The following C10orf90 variants were observed in gnomAD, a reference collection of about 807,000 sequenced individuals.
C10orf90 encodes chromosome 10 open reading frame 90.
A neutral mutation model predicts 62.5 loss-of-function variants in C10orf90; 56 were observed. The observed-to-expected ratio is 0.90, with a 90% confidence interval of 0.72 to 1.12. The LOEUF (loss-of-function observed/expected upper bound fraction) is 1.12, where lower values mean the gene tolerates loss of function less well. C10orf90 is among the 50% of genes most tolerant of loss of function. The pLI, the probability that C10orf90 is intolerant of heterozygous loss-of-function variation, is 0.00. For missense variants in C10orf90, 970 were observed against 880.4 expected, an observed-to-expected ratio of 1.10 and a Z score of -1.29; for synonymous variants, 386 against 340.4, an observed-to-expected ratio of 1.13 and a Z score of -1.47.
intron 2 of C10orf90, among the ~76,000 whole-genome samples, chr10:126,578,805 T>C (rs1286220014): frequency 2.6e-5 from 4 of 152,158 alleles, no homozygotes; most frequent in Non-Finnish European, 5.9e-5. Flanking sequence ...ACAAATATAA[T>C]GTTGTGTGAA....
chr10:126,631,917 G>A (rs187648016), intron 2 of C10orf90, among the ~76,000 whole-genome samples: 8 of 152,140 alleles, frequency 5.3e-5, no homozygotes, highest in East Asian at 3.9e-4. Context: ...TGGGGCAGGC[G>A]TCAGACACTG....
intron 2 of C10orf90, among the ~76,000 whole-genome samples, chr10:126,559,170 T>C (rs1179876024): frequency 6.6e-6 from 1 of 152,246 alleles, no homozygotes; most frequent in African/African-American, 2.4e-5. Flanking sequence ...CATAGGCCAA[T>C]GCCTATGCCC....
At chr10:126,558,143 C>T (rs889082617) in intron 2 of C10orf90, among the ~76,000 whole-genome samples, 11 of 152,136 alleles carry the variant, frequency 7.2e-5, no homozygotes, top group African/African-American at 2.7e-4. Context: ...AGTCCAAGTT[C>T]ACCTTCATTC....
intron 4 of C10orf90, among the ~76,000 whole-genome samples, chr10:126,475,254 C>A (rs987160670): frequency 3.9e-5 from 6 of 152,204 alleles, no homozygotes; most frequent in Non-Finnish European, 8.8e-5. Context: ...AACTTGCAGG[C>A]AGTCTAGGGA....
Position 126,464,121 on chromosome 10 carries a change from A to C in C10orf90, c.1825+575T>G, listed in dbSNP as rs540740729. ...TGTGTTCTTGTGTCCTTTCTATAAC[A>C]TTCTTTGTTGCACCATTTAGTAGTG... is the stretch of plus-strand genomic sequence containing the variant. On this transcript the variant is annotated intron_variant, in intron 5 of 9. Transcript: ENST00000488181. Among the ~76,000 whole-genome samples the C allele has an allele frequency of 7.2e-5, 11 of 152,226 alleles. No individual in the cohort carries two copies. The South Asian group carries it at 1.2e-3, about 17-fold the overall frequency.
intron 2 of C10orf90, among the ~76,000 whole-genome samples, chr10:126,606,359 T>C (rs1270010338): frequency 1.3e-5 from 2 of 152,162 alleles, no homozygotes; most frequent in African/African-American, 4.8e-5. Flanking sequence ...CCTGACACCA[T>C]CGGCTGTTGG....
chr10:126,645,267 A>G (rs1023362637), intron 2 of C10orf90, among the ~76,000 whole-genome samples: 3 of 151,572 alleles, frequency 2.0e-5, no homozygotes, highest in Non-Finnish European at 4.4e-5. Flanking sequence ...ATAAAAAAAA[A>G]AAAAAAAAAA....
chr10:126,666,231 G>A (rs907084507), intron 1 of C10orf90, among the ~76,000 whole-genome samples: 1 of 152,086 alleles, frequency 6.6e-6, no homozygotes, highest in African/African-American at 2.4e-5. Context: ...TTTCCCCAAG[G>A]TTGTCACAAC....
At chr10:126,512,288 A>AGTGTGT (rs377341185) in intron 3 of C10orf90, among the ~76,000 whole-genome samples, 8,373 of 144,802 alleles carry the variant, frequency 0.058, 824 homozygotes, top group African/African-American at 0.2. Flanking sequence ...GAGAGACAGA[A>AGTGTGT]GTGTGTGTGT....
chr10:126,629,809 G>A (rs374410197), intron 2 of C10orf90, among the ~76,000 whole-genome samples: 96 of 152,272 alleles, frequency 6.3e-4, no homozygotes, highest in Middle Eastern at 3.4e-3. Flanking sequence ...CCATGAGCCC[G>A]GCAAAGCACT....
At chr10:126,546,942 C>T (rs1015295004) in intron 2 of C10orf90, among the ~76,000 whole-genome samples, 2 of 152,206 alleles carry the variant, frequency 1.3e-5, no homozygotes, top group East Asian at 1.9e-4. Flanking sequence ...TTGCCCAACA[C>T]GGCAAAACCC....
chr10:126,476,469 C>T (rs1208000627), intron 4 of C10orf90, among the ~76,000 whole-genome samples: 1 of 152,186 alleles, frequency 6.6e-6, no homozygotes, highest in African/African-American at 2.4e-5. Flanking sequence ...CAAAGGAGCC[C>T]GCGTCAGTGC....
At chr10:126,544,457 C>A (rs552997949) in intron 2 of C10orf90, among the ~76,000 whole-genome samples, 1 of 152,244 alleles carries the variant, frequency 6.6e-6, no homozygotes, top group South Asian at 2.1e-4. Flanking sequence ...GAAATAACAC[C>A]TGTAACTGTA....
intron 2 of C10orf90, among the ~76,000 whole-genome samples, chr10:126,643,558 A>G (rs1178723600): frequency 6.6e-6 from 1 of 152,100 alleles, no homozygotes; most frequent in Non-Finnish European, 1.5e-5. Flanking sequence ...CTCCTGACTG[A>G]TGGTCGGGTC....
At chr10:126,617,869 G>T (rs1311768115) in intron 2 of C10orf90, among the ~76,000 whole-genome samples, 2 of 152,232 alleles carry the variant, frequency 1.3e-5, no homozygotes, top group Non-Finnish European at 2.9e-5. Flanking sequence ...CAGTCGGAGA[G>T]AAAGAGAGAG....
At chr10:126,598,595 CT>C (rs1244590943) in intron 2 of C10orf90, among the ~76,000 whole-genome samples, 2 of 152,156 alleles carry the variant, frequency 1.3e-5, no homozygotes, top group Non-Finnish European at 2.9e-5. Flanking sequence ...TTTTCGGTGT[CT>C]TCCTCTATCA....
intron 2 of C10orf90, among the ~76,000 whole-genome samples, chr10:126,603,896 C>A (rs1845251774): frequency 6.6e-6 from 1 of 152,172 alleles, no homozygotes; most frequent in Admixed American, 6.5e-5. Context: ...CCCATCAAGG[C>A]CAGCTTGACA....
At chr10:126,533,632 C>T (rs1728848350) in intron 2 of C10orf90, among the ~76,000 whole-genome samples, 1 of 152,152 alleles carries the variant, frequency 6.6e-6, no homozygotes, top group South Asian at 2.1e-4. Flanking sequence ...TCCTCATTGC[C>T]TAATTCTGGA....
At chr10:126,496,182 A>G (rs1862045049) in intron 4 of C10orf90, among the ~76,000 whole-genome samples, 1 of 152,228 alleles carries the variant, frequency 6.6e-6, no homozygotes, top group Non-Finnish European at 1.5e-5. Flanking sequence ...AAACCTGAGT[A>G]AATGGCCCAT....
Sources: gnomAD v4.1 joint callset for allele counts (sites outside exome capture counted in the v4.1 genomes callset) on GRCh38, gnomAD v4.1.1 for gene constraint, MANE v1.5 for transcripts, NCBI Gene and HGNC (gene_info 2026-07-23, HGNC 2026-07-21) for gene names.